Variants in ANKRD30A observed in about 807,000 individuals in gnomAD.
The protein encoded by ANKRD30A is ankyrin repeat domain 30A.
A neutral mutation model predicts 166.3 loss-of-function variants in ANKRD30A; 170 were observed. The observed-to-expected ratio is 1.02, with a 90% CI of 0.90 to 1.16. ANKRD30A has a LOEUF of 1.16. ANKRD30A is among the 50% of genes most tolerant of loss of function. The pLI, the probability that ANKRD30A is intolerant of heterozygous loss-of-function variation, is 0.00. For synonymous variants in ANKRD30A, 564 were observed against 508.9 expected, an observed-to-expected ratio of 1.11 and a Z score of -1.46; for missense variants, 1,630 against 1,518.0, an observed-to-expected ratio of 1.07 and a Z score of -1.23.
At chr10:37,140,967 G>A (rs114686827) in intron 6 of ANKRD30A, among the ~76,000 whole-genome samples, 2,134 of 151,040 alleles carry the variant, frequency 0.014, 57 homozygotes, top group African/African-American at 0.048. Flanking sequence ...ACAGAATTTC[G>A]TAAAAAATGT....
chr10:37,190,102 A>G (rs1012426302), intron 25 of ANKRD30A, among the ~76,000 whole-genome samples: 76 of 152,016 alleles, frequency 5.0e-4, no homozygotes, highest in Non-Finnish European at 1.8e-4. Flanking sequence ...TCTATTTGCA[A>G]TAGGTGAGAA....
intron 19 of ANKRD30A, 132 bp downstream of exon 19, chr10:37,166,827 G>C: frequency 7.1e-7 from 1 of 1,407,220 alleles, no homozygotes; most frequent in Non-Finnish European, 9.6e-7. Context: ...AAGTGCAATG[G>C]TCATAAGTTA....
chr10:37,140,531 A>G (rs1837024446), intron 6 of ANKRD30A, among the ~76,000 whole-genome samples: 1 of 152,180 alleles, frequency 6.6e-6, no homozygotes, highest in African/African-American at 2.4e-5. Flanking sequence ...ACTATTATCA[A>G]CTTCATTTCC....
chr10:37,193,521 T>C (rs1840779365), intron 27 of ANKRD30A, among the ~76,000 whole-genome samples: 1 of 152,022 alleles, frequency 6.6e-6, no homozygotes, highest in Non-Finnish European at 1.5e-5. Context: ...ATTTGCAATT[T>C]CTGTACGCGC....
chr10:37,245,994 G>A, the ANKRD30A span, among the ~76,000 whole-genome samples: 1 of 152,122 alleles, frequency 6.6e-6, no homozygotes, highest in African/African-American at 2.4e-5. Flanking sequence ...TGTATATCAG[G>A]CTCACTCAGG....
At position 37,225,241 on chromosome 10, in the gene ANKRD30A, T is replaced by C. The variant is rs190216899; in HGVS notation, c.4185+5344T>C. ...CATATTACTTACATAAAGTTAAATT[T>C]TGTTAGAATGTTTTCAAACTATGTT... On this transcript the variant is annotated intron_variant, in intron 34 of 35. Coordinates refer to ENST00000361713, the MANE Select transcript of ANKRD30A (RefSeq NM_052997.3). Among the ~76,000 whole-genome samples, 575 of 151,818 alleles carry C rather than the reference T, an allele frequency of 3.8e-3. 3 individuals carry two copies. The highest frequency in any genetic ancestry group is 0.013 in the African/African-American group (549 of 41,508).
chr10:37,126,107 G>C (rs1835991811), intron 1 of ANKRD30A, 99 bp downstream of exon 1: 1 of 1,314,454 alleles, frequency 7.6e-7, no homozygotes, highest in South Asian at 1.2e-5. Context: ...GGGAAGAAGG[G>C]AGCAGGTGGA....
chr10:37,222,057 T>C (rs186937875), intron 34 of ANKRD30A, among the ~76,000 whole-genome samples: 1 of 151,536 alleles, frequency 6.6e-6, no homozygotes, highest in Non-Finnish European at 1.5e-5. Flanking sequence ...GAAATTATCT[T>C]GATACTGCCA....
intron 34 of ANKRD30A, among the ~76,000 whole-genome samples, chr10:37,226,117 A>G (rs1346331630): frequency 6.6e-6 from 1 of 150,986 alleles, no homozygotes; most frequent in Non-Finnish European, 1.5e-5. Context: ...ATATATATAT[A>G]TAATTTTACT....
chr10:37,219,086 A>G lies in ANKRD30A; in HGVS notation c.3374A>G (p.Tyr1125Cys), dbSNP rs763078261. ...KLEIATLKHQ[Y>C]QEKENKYFED... ...GAAATAGCCACACTGAAACACCAAT[A>G]CCAGGAAAAGGAAAATAAATACTTT... The change falls in exon 34 of 36, where the codon TAC (tyrosine) becomes TGC (cysteine). Residue 1125 changes from tyrosine to cysteine, a missense_variant. By Grantham distance (194) the Tyr-to-Cys change is radical. Around this residue, in one of 4 missense-constraint regions of ANKRD30A, gnomAD observed 712 missense variants for 629.3 expected, o/e 1.13. Coordinates refer to ENST00000361713, the MANE Select transcript of ANKRD30A (RefSeq NM_052997.3). 1.2e-6 allele frequency: 2 copies of G among 1,609,038 alleles called. No homozygotes were observed. Among genetic ancestry groups the G allele is most frequent in the South Asian group, 2.2e-5 (2 of 90,780 alleles).
chr10:37,229,131 G>A (rs1030343081), intron 34 of ANKRD30A, among the ~76,000 whole-genome samples: 3 of 151,936 alleles, frequency 2.0e-5, no homozygotes, highest in African/African-American at 2.4e-5. Context: ...GAGCTTCTAG[G>A]CATTCATAAA....
intron 7 of ANKRD30A, 29 bp from the exon 8 acceptor site, chr10:37,144,966 T>C: frequency 2.0e-6 from 3 of 1,469,408 alleles, no homozygotes; most frequent in Admixed American, 4.0e-5. Context: ...AATGTTATCA[T>C]GAATATATCT....
At chr10:37,216,926 T>A (rs1344970772) in intron 32 of ANKRD30A, among the ~76,000 whole-genome samples, 1 of 151,078 alleles carries the variant, frequency 6.6e-6, no homozygotes, top group Admixed American at 6.6e-5. Context: ...ATTATACACT[T>A]TTAATCTTAA....
intron 15 of ANKRD30A, among the ~76,000 whole-genome samples, chr10:37,159,907 G>C (rs552588512): frequency 1.3e-5 from 2 of 152,232 alleles, no homozygotes; most frequent in South Asian, 2.1e-4. Context: ...TGTTAGCCAG[G>C]ATGGTCTGAT....
At chr10:37,161,923 A>T (rs993687609) in intron 15 of ANKRD30A, among the ~76,000 whole-genome samples, 9 of 152,192 alleles carry the variant, frequency 5.9e-5, no homozygotes, top group African/African-American at 2.2e-4. Context: ...GCTTTTTAAG[A>T]TAAATATTGT....
the ANKRD30A span, among the ~76,000 whole-genome samples, chr10:37,254,673 C>A: frequency 7.0e-6 from 1 of 142,622 alleles, no homozygotes; most frequent in Admixed American, 7.0e-5. Flanking sequence ...CTTTTCTTTT[C>A]TTTTCTTTTC....
At chr10:37,211,204 A>T (rs529179091) in intron 31 of ANKRD30A, among the ~76,000 whole-genome samples, 2 of 151,876 alleles carry the variant, frequency 1.3e-5, no homozygotes, top group Non-Finnish European at 2.9e-5. Context: ...GGTTAGTTAC[A>T]TATGTATACA....
At chr10:37,130,595 T>A (rs1466521439) in intron 3 of ANKRD30A, among the ~76,000 whole-genome samples, 2 of 152,256 alleles carry the variant, frequency 1.3e-5, no homozygotes, top group African/African-American at 4.8e-5. Flanking sequence ...AATATTTGAA[T>A]GTGTTAAAGG....
the ANKRD30A span, among the ~76,000 whole-genome samples, chr10:37,250,702 C>T: frequency 3.9e-5 from 6 of 152,196 alleles, no homozygotes; most frequent in South Asian, 8.3e-4. Flanking sequence ...TTGCCCCCTG[C>T]GCCATGTGAG....
Sources: allele counts gnomAD v4.1 joint callset (sites outside exome capture counted in the v4.1 genomes callset), GRCh38; gene constraint gnomAD v4.1.1; regional missense constraint gnomAD v4.1.1; transcripts MANE v1.5; gene names NCBI Gene and HGNC (gene_info 2026-07-23, HGNC 2026-07-21).